The following ERC1 variants were observed in gnomAD, a reference collection of about 807,000 sequenced individuals.
The protein encoded by ERC1 is ELKS/RAB6-interacting/CAST family member 1, also known as RAB6 interacting protein 2.
In ERC1, 56 loss-of-function variants were observed where a neutral mutation model predicts 132.0. That is an observed-to-expected ratio of 0.42 (90% CI 0.34 to 0.53). The LOEUF (loss-of-function observed/expected upper bound fraction) is 0.53. Ranked by LOEUF, ERC1 falls within the 20% of genes least tolerant of loss-of-function variation. The pLI is 0.03. For missense variants in ERC1, 1,202 were observed against 1,349.9 expected, an observed-to-expected ratio of 0.89 and a Z score of 1.72; for synonymous variants, 478 against 476.1, an observed-to-expected ratio of 1.00 and a Z score of -0.05.
At chr12:1,229,882 T>G (rs937982704) in intron 12 of ERC1, among the ~76,000 whole-genome samples, 3 of 152,112 alleles carry the variant, frequency 2.0e-5, no homozygotes, top group Non-Finnish European at 4.4e-5. Context: ...TTAAGTTGTT[T>G]GAGATCTTTA....
chr12:1,210,147 C>G (rs776222696), intron 12 of ERC1, among the ~76,000 whole-genome samples: 2 of 152,216 alleles, frequency 1.3e-5, no homozygotes, highest in Non-Finnish European at 1.5e-5. Context: ...AACTTCAGAA[C>G]TATTGAGTTG....
rs561145913 is a variant in ERC1 at position 1,494,622 on chromosome 12, TCTC to T, written c.*4395_*4397del. 4.3e-6 allele frequency: 1 copy of T among 231,068 alleles called. No homozygotes were observed. The highest frequency in any genetic ancestry group is 5.6e-5 in the Admixed American group (1 of 17,714). 14.3% of individuals were successfully genotyped at this position (231,068 alleles called of 1,614,324 possible). A position where few individuals can be genotyped will look rare whatever the true frequency, so the allele number is the denominator to read the frequency against. On this transcript the variant is annotated 3_prime_UTR_variant, in exon 19 of 19. Coordinates refer to ENST00000360905, the MANE Select transcript of ERC1 (RefSeq NM_178040.4). ...GTGCTGTGGCCCTGTTGTAGGTACT[TCTC>T]CTGACTCTTGGGGGAGAAGTGGTTT...
rs1403409643 is a variant in ERC1, at chr12:1,253,873, C to G, written c.2488-9161C>G. Among the ~76,000 whole-genome samples, 4 of 152,294 alleles carry G rather than the reference C, an allele frequency of 2.6e-5. No homozygotes were observed. In the South Asian group the frequency reaches 6.2e-4, roughly 24 times the overall value. ...TAGTTAGGCTGTCCCAACTTCTGCC[C>G]TAGTCTCTTTGAATATAGGAGTCTT... is the stretch of plus-strand genomic sequence containing the variant. On this transcript the variant is annotated intron_variant, in intron 13 of 18. Coordinates refer to ENST00000360905, the MANE Select transcript of ERC1 (RefSeq NM_178040.4).
chr12:1,263,184 T>C lies in ERC1; in HGVS notation c.2619+19T>C. 6.2e-7 allele frequency: 1 copy of C among 1,612,644 alleles called. No homozygotes were observed. Among genetic ancestry groups the C allele is most frequent in the Non-Finnish European group, 8.5e-7 (1 of 1,179,244 alleles). On this transcript the variant is annotated intron_variant, in intron 14 of 18. Coordinates refer to ENST00000360905, the MANE Select transcript of ERC1 (RefSeq NM_178040.4). Reference sequence around the variant, plus strand: ...AAAACAGGTCTGCTATTTTATACAGTTCCAAGCAATGCTGCTGGTTAACCA... The same window carrying C: ...AAAACAGGTCTGCTATTTTATACAGCTCCAAGCAATGCTGCTGGTTAACCA...
intron 3 of ERC1, among the ~76,000 whole-genome samples, chr12:1,094,415 C>CTTTTT (rs376475740): frequency 7.2e-6 from 1 of 137,996 alleles, no homozygotes. Flanking sequence ...CCTTCTCTCT[C>CTTTTT]TTTTTTTTTT....
intron 16 of ERC1, among the ~76,000 whole-genome samples, chr12:1,372,371 G>A (rs2087348455): frequency 6.6e-6 from 1 of 152,104 alleles, no homozygotes; most frequent in South Asian, 2.1e-4. Context: ...GATTGGGTAA[G>A]CTCTGAAGAT....
intron 16 of ERC1, chr12:1,385,905 C>T (rs1230080081): frequency 2.6e-5 from 4 of 152,102 alleles, no homozygotes; most frequent in Admixed American, 2.6e-4. Context: ...ACTGAAATAT[C>T]CTCCTTTTTA....
chr12:1,022,040 T>C (rs2154145839), intron 1 of ERC1, among the ~76,000 whole-genome samples: 1 of 152,336 alleles, frequency 6.6e-6, no homozygotes, highest in Middle Eastern at 3.4e-3. Context: ...AAATAAGCTA[T>C]ACATTTTATT....
intron 15 of ERC1, among the ~76,000 whole-genome samples, chr12:1,346,889 C>G (rs1183326489): frequency 2.0e-5 from 3 of 149,382 alleles, no homozygotes; most frequent in African/African-American, 7.6e-5. Flanking sequence ...TTGCAGTGAG[C>G]CGAGATTGCG....
In ERC1 at chr12:1,032,410, C is replaced by G. The variant is rs150641351; in HGVS notation, c.669+3838C>G. On this transcript the variant is annotated intron_variant, in intron 2 of 18. Transcript: ENST00000360905. ...TCAATTTGTGATGGTTCTGTTGTGG[C>G]ACTTTTGAGCTCAACCATGAAAGGA... 8.9e-3 allele frequency among the ~76,000 whole-genome samples: 1,353 copies of G among 152,240 alleles called. 28 individuals are homozygous for G. Among genetic ancestry groups the G allele is most frequent in the African/African-American group, 0.031 (1,290 of 41,536 alleles).
At chr12:1,440,622 G>C (rs1443872361) in intron 17 of ERC1, among the ~76,000 whole-genome samples, 1 of 99,228 alleles carries the variant, frequency 1.0e-5, no homozygotes. Flanking sequence ...GTGTGTGTGT[G>C]TGTGTGTGTG....
At chr12:1,304,902 A>C (rs374085446) in intron 15 of ERC1, among the ~76,000 whole-genome samples, 1 of 140,154 alleles carries the variant, frequency 7.1e-6, no homozygotes, top group Non-Finnish European at 1.5e-5. Context: ...CCATTCTCCT[A>C]CCTCAGCCTC....
intron 13 of ERC1, among the ~76,000 whole-genome samples, chr12:1,241,479 CAA>C (rs147699832): frequency 3.3e-5 from 5 of 151,904 alleles, no homozygotes; most frequent in Non-Finnish European, 7.4e-5. Flanking sequence ...AACATCTTTT[CAA>C]AAAAATCTTT....
At chr12:1,082,787 C>T (rs142570935) in intron 2 of ERC1, among the ~76,000 whole-genome samples, 25 of 152,246 alleles carry the variant, frequency 1.6e-4, no homozygotes, top group South Asian at 6.2e-4. Context: ...CCACCACGCC[C>T]GGCTGTTTTG....
chr12:1,479,792 G>A (rs761842062), intron 18 of ERC1, among the ~76,000 whole-genome samples: 3 of 152,128 alleles, frequency 2.0e-5, no homozygotes, highest in African/African-American at 4.8e-5. Context: ...AACCCTGCTC[G>A]CCTGGAGAAG....
chr12:1,216,334 A>G (rs1958402150), intron 12 of ERC1, among the ~76,000 whole-genome samples: 1 of 152,140 alleles, frequency 6.6e-6, no homozygotes, highest in Non-Finnish European at 1.5e-5. Context: ...AAAAGGTGTT[A>G]CTATCATTTA....
At chr12:1,227,481 A>G (rs892312756) in intron 12 of ERC1, among the ~76,000 whole-genome samples, 3 of 152,172 alleles carry the variant, frequency 2.0e-5, no homozygotes, top group Admixed American at 6.5e-5. Flanking sequence ...AGAAATGTCT[A>G]TTCAGATCCT....
intron 18 of ERC1, among the ~76,000 whole-genome samples, chr12:1,446,711 C>T (rs2093312992): frequency 6.6e-6 from 1 of 152,096 alleles, no homozygotes; most frequent in Non-Finnish European, 1.5e-5. Flanking sequence ...GTGGATGTTG[C>T]CTAATAATAC....
chr12:1,179,078 A>G (rs1387418807), intron 8 of ERC1, among the ~76,000 whole-genome samples: 4 of 152,186 alleles, frequency 2.6e-5, no homozygotes, highest in Non-Finnish European at 4.4e-5. Context: ...CTTGAATAAT[A>G]ATTTTTATTG....
Sources: gnomAD v4.1 joint callset for allele counts (sites outside exome capture counted in the v4.1 genomes callset) on GRCh38, gnomAD v4.1.1 for gene constraint, MANE v1.5 for transcripts, NCBI Gene and HGNC (gene_info 2026-07-23, HGNC 2026-07-21) for gene names.